DPP6: variants seen among roughly 807,000 people sequenced by gnomAD.
DPP6 encodes dipeptidyl peptidase like 6, also known as A-type potassium channel modulatory protein DPP6.
DPP6 carries 69 observed loss-of-function variants against 122.6 expected under a neutral mutation model. The ratio of observed to expected loss-of-function variants is 0.56; its 90% CI spans 0.46 to 0.69. DPP6 has a LOEUF of 0.69. Ranked by LOEUF, DPP6 falls within the 30% of genes least tolerant of loss-of-function variation. The pLI, the probability that DPP6 is intolerant of heterozygous loss-of-function variation, is 0.00. For missense variants in DPP6, 928 were observed against 1,116.9 expected, an observed-to-expected ratio of 0.83 and a Z score of 2.41; for synonymous variants, 418 against 433.1, an observed-to-expected ratio of 0.97 and a Z score of 0.43.
the DPP6 span, among the ~76,000 whole-genome samples, chr7:153,781,292 C>T: frequency 8.5e-5 from 13 of 152,200 alleles, no homozygotes; most frequent in East Asian, 2.3e-3. Context: ...GAGAAATAGC[C>T]CTGAAATTTG....
chr7:153,968,987 A>G lies in DPP6; in HGVS notation c.51+81253A>G, dbSNP rs39163. 5.3e-5 allele frequency among the ~76,000 whole-genome samples: 8 copies of G among 150,810 alleles called. 1 individual carries two copies. The highest frequency in any genetic ancestry group is 1.9e-4 in the African/African-American group (8 of 41,262). On this transcript the variant is annotated intron_variant, in intron 1 of 25. Transcript: ENST00000404039. ...CCATTGGGTGTATTTACCACATTTTATTTATCTGTTGATCAATGGTGGACA... is the reference window on the plus strand; with the variant it reads ...CCATTGGGTGTATTTACCACATTTTGTTTATCTGTTGATCAATGGTGGACA...
At chr7:154,418,502 A>G (rs754109501) in intron 1 of DPP6, among the ~76,000 whole-genome samples, 3 of 152,210 alleles carry the variant, frequency 2.0e-5, no homozygotes, top group Non-Finnish European at 4.4e-5. Flanking sequence ...AGTGTGAAAG[A>G]TGAAAGGAAA....
chr7:154,695,403 AAGG>A (rs1321468538), intron 7 of DPP6, among the ~76,000 whole-genome samples: 7 of 152,230 alleles, frequency 4.6e-5, no homozygotes, highest in Non-Finnish European at 1.5e-5. Flanking sequence ...CTGTTGCCTG[AAGG>A]AGATTAATAT....
the DPP6 span, among the ~76,000 whole-genome samples, chr7:153,783,121 G>T: frequency 6.6e-6 from 1 of 152,196 alleles, no homozygotes. Context: ...GTAAAGTGTA[G>T]TATGCAGAGC....
intron 5 of DPP6, among the ~76,000 whole-genome samples, chr7:154,580,704 G>A (rs1832005205): frequency 6.6e-6 from 1 of 152,160 alleles, no homozygotes; most frequent in Non-Finnish European, 1.5e-5. Context: ...GTCAGGGAAG[G>A]CCGACGGAGA....
At chr7:154,062,042 A>G (rs1468476906) in intron 1 of DPP6, among the ~76,000 whole-genome samples, 12 of 100,474 alleles carry the variant, frequency 1.2e-4, no homozygotes, top group African/African-American at 2.3e-4. Context: ...CCCGCGAGGC[A>G]GGGACTGACA....
At chr7:154,587,531 A>G in intron 5 of DPP6, 1 of 1,073,416 alleles carries the variant, frequency 9.3e-7, no homozygotes, top group Non-Finnish European at 1.3e-6. Flanking sequence ...CAATGTGAAC[A>G]TTGCCCATTG....
chr7:154,503,292 T>C (rs1465394261), intron 3 of DPP6, among the ~76,000 whole-genome samples: 1 of 152,254 alleles, frequency 6.6e-6, no homozygotes, highest in Non-Finnish European at 1.5e-5. Flanking sequence ...AGGTGATTCA[T>C]AAGGAAACAG....
rs1807088766 is a variant in DPP6, at chr7:154,313,499, G to C, written c.244-132715G>C. Among the ~76,000 whole-genome samples, 6 of 151,580 alleles carry C rather than the reference G, an allele frequency of 4.0e-5. No homozygotes were observed. The South Asian group carries it at 1.3e-3, about 32-fold the overall frequency. ...TAAGAGAACAGGTGTTTGTGGAATA[G>C]GTAAAACCAGAGGAGTGACTTGGAC... On this transcript the variant is annotated intron_variant, in intron 1 of 25. Coordinates refer to ENST00000377770, the MANE Select transcript of DPP6 (RefSeq NM_130797.4).
chr7:154,550,728 T>G (rs1057081112), intron 4 of DPP6, among the ~76,000 whole-genome samples: 18 of 151,378 alleles, frequency 1.2e-4, no homozygotes, highest in Non-Finnish European at 2.2e-4. Context: ...TTGTACAGCT[T>G]TCATTTTAGA....
chr7:154,233,560 A>T (rs1270079769), intron 1 of DPP6, among the ~76,000 whole-genome samples: 5 of 152,188 alleles, frequency 3.3e-5, no homozygotes, highest in African/African-American at 1.2e-4. Flanking sequence ...GGAAATTTGG[A>T]CACAGACACC....
At chr7:153,846,551 A>G in the DPP6 span, among the ~76,000 whole-genome samples, 2 of 151,864 alleles carry the variant, frequency 1.3e-5, no homozygotes, top group African/African-American at 4.8e-5. Context: ...ATGGCCCGGC[A>G]CACATTCTAC....
In DPP6 at chr7:154,876,131, C is replaced by T. The variant is rs367837269; in HGVS notation, c.2078+31C>T. The T allele has an allele frequency of 7.7e-4, 1,182 of 1,535,740 alleles. 5 individuals are homozygous for T. The highest frequency in any genetic ancestry group is 6.6e-4 in the Non-Finnish European group (756 of 1,143,536). ...CACCCGCCCAGGAAGCAGGAGAGGC[C>T]GGGAGGGGACGGGGCTCCTCATGGG... On this transcript the variant is annotated intron_variant, in intron 20 of 25. Coordinates refer to ENST00000377770, the MANE Select transcript of DPP6 (RefSeq NM_130797.4).
At chr7:154,609,806 G>A (rs771521838) in intron 5 of DPP6, among the ~76,000 whole-genome samples, 7 of 151,752 alleles carry the variant, frequency 4.6e-5, no homozygotes, top group African/African-American at 1.4e-4. Context: ...TCTGTGGTTC[G>A]TTTGATAGAA....
At chr7:153,870,902 T>G in the DPP6 span, among the ~76,000 whole-genome samples, 2 of 152,232 alleles carry the variant, frequency 1.3e-5, no homozygotes, top group Non-Finnish European at 2.9e-5. Context: ...TGTTGGAGTT[T>G]GCTAGAGGTC....
At chr7:154,197,676 A>G (rs564402459) in intron 1 of DPP6, among the ~76,000 whole-genome samples, 1 of 152,332 alleles carries the variant, frequency 6.6e-6, no homozygotes, top group South Asian at 2.1e-4. Flanking sequence ...TCTATTGGCA[A>G]TAAGGTAGTA....
intron 19 of DPP6, among the ~76,000 whole-genome samples, chr7:154,873,422 G>A (rs1034552090): frequency 2.0e-5 from 3 of 152,068 alleles, no homozygotes; most frequent in Non-Finnish European, 4.4e-5. Context: ...CCACGGAGCA[G>A]GAGAAACTCC....
intron 1 of DPP6, among the ~76,000 whole-genome samples, chr7:154,055,163 C>T (rs1237267134): frequency 3.5e-5 from 5 of 142,028 alleles, no homozygotes; most frequent in Non-Finnish European, 6.0e-5. Context: ...ATAGTGTACT[C>T]CCGATATATA....
intron 1 of DPP6, among the ~76,000 whole-genome samples, chr7:153,890,882 G>C (rs1054453541): frequency 7.0e-6 from 1 of 142,668 alleles, no homozygotes; most frequent in Non-Finnish European, 1.5e-5. Flanking sequence ...ATTTTTAGTA[G>C]AGACGGGGTT....
Sources: allele counts gnomAD v4.1 joint callset (sites outside exome capture counted in the v4.1 genomes callset), GRCh38; gene constraint gnomAD v4.1.1; transcripts MANE v1.5; gene names NCBI Gene and HGNC (gene_info 2026-07-23, HGNC 2026-07-21).